Variants in ST8SIA2 observed in about 807,000 individuals in gnomAD.
ST8SIA2 encodes the protein alpha-2,8-sialyltransferase 8B.
ST8SIA2 carries 22 observed loss-of-function variants against 37.6 expected under a neutral mutation model. The observed-to-expected ratio is 0.58, with a 90% CI of 0.42 to 0.83. The LOEUF is 0.83. Among genes scored for constraint, ST8SIA2 ranks in the 40% least tolerant of loss-of-function variants. ST8SIA2 has a pLI of 0.00. For missense variants in ST8SIA2, 382 were observed against 484.7 expected, an observed-to-expected ratio of 0.79 and a Z score of 1.99; for synonymous variants, 205 against 201.2, an observed-to-expected ratio of 1.02 and a Z score of -0.16.
chr15:92,412,180 AAGG>A (rs768742753), intron 1 of ST8SIA2, among the ~76,000 whole-genome samples: 4 of 152,254 alleles, frequency 2.6e-5, no homozygotes, highest in East Asian at 1.9e-4. Context: ...TGTGAAAAGG[AAGG>A]AGAAGTGGGT....
chr15:92,430,149 G>A (rs1465826340), intron 2 of ST8SIA2, 38 bp downstream of exon 2: 3 of 1,595,304 alleles, frequency 1.9e-6, no homozygotes, highest in Non-Finnish European at 2.6e-6. Context: ...TGTTTTTGCT[G>A]TAAGGCAGCT....
In ST8SIA2 at chr15:92,445,685, A is replaced by T. The variant is rs8043056; in HGVS notation, c.842+756A>T. On this transcript the variant is annotated intron_variant, in intron 5 of 5. Transcript: ENST00000268164. Reference sequence around the variant, plus strand: ...CTCTCTTTAAGAAGAGTTTTGATGTAACTAATTAGGTAAGGATTTTCCTGG... The same window carrying T: ...CTCTCTTTAAGAAGAGTTTTGATGTTACTAATTAGGTAAGGATTTTCCTGG... 1.3e-3 allele frequency among the ~76,000 whole-genome samples: 191 copies of T among 152,308 alleles called. 2 individuals are homozygous for T. Among genetic ancestry groups the T allele is most frequent in the African/African-American group, 4.3e-3 (177 of 41,568 alleles).
At chr15:92,428,065 C>T (rs1047705010) in intron 1 of ST8SIA2, among the ~76,000 whole-genome samples, 4 of 152,180 alleles carry the variant, frequency 2.6e-5, no homozygotes, top group African/African-American at 7.2e-5. Flanking sequence ...TCCTGGTACT[C>T]GTCGTGATAA....
At chr15:92,445,473 C>A (rs368509840) in intron 5 of ST8SIA2, among the ~76,000 whole-genome samples, 1 of 152,162 alleles carries the variant, frequency 6.6e-6, no homozygotes, top group African/African-American at 2.4e-5. Flanking sequence ...CATCAATCAT[C>A]GCTATCTTTA....
At chr15:92,409,464 A>T (rs1285845559) in intron 1 of ST8SIA2, among the ~76,000 whole-genome samples, 2 of 152,130 alleles carry the variant, frequency 1.3e-5, no homozygotes, top group Non-Finnish European at 1.5e-5. Context: ...AAATAGGCAG[A>T]GATTAGCTGC....
At position 92,430,874 on chromosome 15, in the gene ST8SIA2, T is replaced by G. The variant is rs187739926; in HGVS notation, c.161+763T>G. ...TTGTTTTTCTTTCTAAATATCCTATTTTGGTCATTGTGGGAATAAGAGGTC... is the reference window on the plus strand; with the variant it reads ...TTGTTTTTCTTTCTAAATATCCTATGTTGGTCATTGTGGGAATAAGAGGTC... On this transcript the variant is annotated intron_variant, in intron 2 of 5. Coordinates refer to ENST00000268164, the MANE Select transcript of ST8SIA2 (RefSeq NM_006011.4). 1.2e-3 allele frequency among the ~76,000 whole-genome samples: 184 copies of G among 152,322 alleles called. 2 individuals are homozygous for G. The highest frequency in any genetic ancestry group is 1.9e-4 in the Non-Finnish European group (13 of 68,022).
chr15:92,436,700 A>G (rs1220497607), intron 3 of ST8SIA2, among the ~76,000 whole-genome samples: 1 of 152,218 alleles, frequency 6.6e-6, no homozygotes, highest in Non-Finnish European at 1.5e-5. Context: ...AAGCACAGTA[A>G]ATAAAAACAG....
At chr15:92,463,951 T>C in intron 5 of ST8SIA2, 149 bp from the exon 6 acceptor site, 1 of 1,137,404 alleles carries the variant, frequency 8.8e-7, no homozygotes, top group Non-Finnish European at 1.2e-6. Context: ...GTCACTCCTC[T>C]GTGGAGGGAA....
At chr15:92,420,184 G>T (rs1030039899) in intron 1 of ST8SIA2, among the ~76,000 whole-genome samples, 1 of 152,136 alleles carries the variant, frequency 6.6e-6, no homozygotes, top group African/African-American at 2.4e-5. Flanking sequence ...TATTTTAAAG[G>T]CTGTCTCCTT....
At chr15:92,398,319 CA>C (rs1371700224) in intron 1 of ST8SIA2, among the ~76,000 whole-genome samples, 3 of 152,222 alleles carry the variant, frequency 2.0e-5, no homozygotes, top group Admixed American at 2.0e-4. Context: ...CAGGCTTGCA[CA>C]GGTCTCCTCT....
intron 1 of ST8SIA2, 50 bp downstream of exon 1, chr15:92,394,212 C>T (rs1202771645): frequency 2.0e-5 from 29 of 1,466,862 alleles, no homozygotes; most frequent in Non-Finnish European, 2.5e-5. Flanking sequence ...GGGATCTCTC[C>T]CTCCTTCTGT....
intron 1 of ST8SIA2, among the ~76,000 whole-genome samples, chr15:92,395,277 C>A (rs1249097527): frequency 3.9e-5 from 6 of 152,238 alleles, no homozygotes; most frequent in Non-Finnish European, 4.4e-5. Context: ...CTTCTCGAGT[C>A]CCGCGCCGCG....
intron 1 of ST8SIA2, among the ~76,000 whole-genome samples, chr15:92,419,855 G>GT (rs2049618907): frequency 6.6e-6 from 1 of 152,110 alleles, no homozygotes; most frequent in Admixed American, 6.5e-5. Flanking sequence ...TTAGAAGTCT[G>GT]TTTTTTGTTG....
chr15:92,421,081 C>T (rs2049630178), intron 1 of ST8SIA2: 1 of 152,210 alleles, frequency 6.6e-6, no homozygotes, highest in Non-Finnish European at 1.5e-5. Flanking sequence ...TGCTTGCTGT[C>T]TGTGATGTTG....
chr15:92,413,844 G>T (rs1167952172), intron 1 of ST8SIA2, among the ~76,000 whole-genome samples: 1 of 152,236 alleles, frequency 6.6e-6, no homozygotes, highest in Non-Finnish European at 1.5e-5. Context: ...TGGCAGGAGT[G>T]TGGGGAGAGG....
intron 5 of ST8SIA2, among the ~76,000 whole-genome samples, chr15:92,451,178 G>A (rs1275760645): frequency 6.6e-6 from 1 of 152,164 alleles, no homozygotes; most frequent in Admixed American, 6.5e-5. Flanking sequence ...GGCACAACCA[G>A]GAACTGAACT....
chr15:92,441,998 C>T (rs1461729690), intron 4 of ST8SIA2, among the ~76,000 whole-genome samples: 1 of 152,200 alleles, frequency 6.6e-6, no homozygotes, highest in African/African-American at 2.4e-5. Context: ...TCCTCTCCTG[C>T]CCGGAGCCAA....
At chr15:92,441,049 A>G (rs1486082685) in intron 4 of ST8SIA2, among the ~76,000 whole-genome samples, 1 of 152,192 alleles carries the variant, frequency 6.6e-6, no homozygotes, top group African/African-American at 2.4e-5. Context: ...TGGCTTTACT[A>G]GAATGGCAGA....
At chr15:92,437,984 G>A (rs1335639729) in intron 3 of ST8SIA2, among the ~76,000 whole-genome samples, 1 of 152,182 alleles carries the variant, frequency 6.6e-6, no homozygotes, top group East Asian at 1.9e-4. Context: ...AGGGACATGG[G>A]GCTTTCAGTG....
Sources: allele counts gnomAD v4.1 joint callset (sites outside exome capture counted in the v4.1 genomes callset), GRCh38; gene constraint gnomAD v4.1.1; transcripts MANE v1.5; gene names NCBI Gene and HGNC (gene_info 2026-07-23, HGNC 2026-07-21).